NAP1L1: variants seen among roughly 807,000 people sequenced by gnomAD.
The protein encoded by NAP1L1 is nucleosome assembly protein 1 like 1.
In NAP1L1, 9 loss-of-function variants were observed where a neutral mutation model predicts 58.9. That is an observed-to-expected ratio of 0.15 (90% CI 0.09 to 0.27). The LOEUF is 0.27. Among genes scored for constraint, NAP1L1 ranks in the 10% least tolerant of loss-of-function variants. The pLI is 1.00. For missense variants in NAP1L1, 302 were observed against 458.8 expected, an observed-to-expected ratio of 0.66 and a Z score of 3.12; for synonymous variants, 130 against 138.3, an observed-to-expected ratio of 0.94 and a Z score of 0.42.
At chr12:76,060,639 A>G (rs898612337) in intron 4 of NAP1L1, among the ~76,000 whole-genome samples, 1 of 152,200 alleles carries the variant, frequency 6.6e-6, no homozygotes, top group African/African-American at 2.4e-5. Context: ...CACCCATACA[A>G]GTTATTAGGA....
chr12:76,037,866 AAC>A lies in NAP1L1; in HGVS notation c.*10561_*10562del, dbSNP rs1871086887. On this transcript the variant is annotated 3_prime_UTR_variant, in exon 15 of 15. Coordinates refer to ENST00000618691, the MANE Select transcript of NAP1L1 (RefSeq NM_004537.7). The stretch of plus-strand genomic sequence containing the variant: ...GATGAGTGTTTTCGCCATTGTACCT[AAC>A]GGAGAGCTGATTGACAGCACTTAAA... 1 of 152,288 alleles carries A rather than the reference AAC, an allele frequency of 6.6e-6. No individual in the cohort carries two copies. Among genetic ancestry groups the A allele is most frequent in the South Asian group, 2.1e-4 (1 of 4,816 alleles). 9.4% of individuals were successfully genotyped at this position (152,288 alleles called of 1,614,324 possible).
chr12:76,078,411 A>C (rs1272540075), intron 1 of NAP1L1, among the ~76,000 whole-genome samples: 1 of 152,186 alleles, frequency 6.6e-6, no homozygotes, highest in African/African-American at 2.4e-5. Context: ...AATTAAATGA[A>C]AGCTTCCTTC....
chr12:76,049,167 A>T, intron 14 of NAP1L1, 33 bp downstream of exon 14: 1 of 1,581,076 alleles, frequency 6.3e-7, no homozygotes, highest in Non-Finnish European at 8.7e-7. Flanking sequence ...AGCTATCTTA[A>T]ATTTAATAGA....
In NAP1L1 at chr12:76,048,272, TAG is replaced by T; in HGVS notation, c.*155_*156del. ...CAGAAAAACTAGTTAAAATGCTAGGTAGAACAAATTGGTCTTTAAAATATCAG... is the reference window on the plus strand; with the variant it reads ...CAGAAAAACTAGTTAAAATGCTAGGTAACAAATTGGTCTTTAAAATATCAG... On this transcript the variant is annotated 3_prime_UTR_variant, in exon 15 of 15. Coordinates refer to ENST00000618691, the MANE Select transcript of NAP1L1 (RefSeq NM_004537.7). The T allele has an allele frequency of 1.4e-6, 1 of 706,068 alleles. No homozygotes were observed. The highest frequency in any genetic ancestry group is 2.8e-5 in the East Asian group (1 of 36,182). The allele number at this position is 706,068 out of a possible 1,614,324, so 43.7% of individuals were successfully genotyped here.
intron 4 of NAP1L1, among the ~76,000 whole-genome samples, chr12:76,064,634 A>G (rs1194855391): frequency 6.6e-6 from 1 of 152,196 alleles, no homozygotes; most frequent in African/African-American, 2.4e-5. Flanking sequence ...AATAAGATCA[A>G]GACAACCAGC....
At chr12:76,079,016 T>C (rs1012080704) in intron 1 of NAP1L1, among the ~76,000 whole-genome samples, 2 of 150,858 alleles carry the variant, frequency 1.3e-5, no homozygotes, top group East Asian at 3.9e-4. Flanking sequence ...CACACACATA[T>C]ATTTATCCAG....
At chr12:76,052,514 T>A (rs1312846635) in intron 11 of NAP1L1, among the ~76,000 whole-genome samples, 3 of 152,226 alleles carry the variant, frequency 2.0e-5, no homozygotes, top group African/African-American at 7.2e-5. Context: ...TAATTCCATA[T>A]ATGTACAAAC....
intron 1 of NAP1L1, among the ~76,000 whole-genome samples, chr12:76,080,696 G>C (rs1009365080): frequency 6.6e-6 from 1 of 152,192 alleles, no homozygotes; most frequent in Non-Finnish European, 1.5e-5. Flanking sequence ...CTAGAGCACA[G>C]TGGGATACAA....
In NAP1L1 at chr12:76,046,170, T is replaced by A. The variant is rs1317627874; in HGVS notation, c.*2259A>T. 1.3e-5 allele frequency: 2 copies of A among 151,894 alleles called. No individual in the cohort carries two copies. The highest frequency in any genetic ancestry group is 4.8e-5 in the African/African-American group (2 of 41,386). The allele number at this position is 151,894 out of a possible 1,614,324, so 9.4% of individuals were successfully genotyped here. ...AAAAAAACACCCAAAATATCACCAG[T>A]ACATTTTATAAAATTAAATCCAAAT... On this transcript the variant is annotated 3_prime_UTR_variant, in exon 15 of 15. Coordinates refer to ENST00000618691, the MANE Select transcript of NAP1L1 (RefSeq NM_004537.7).
chr12:76,062,967 C>CA (rs755684302), intron 4 of NAP1L1, among the ~76,000 whole-genome samples: 43 of 152,056 alleles, frequency 2.8e-4, no homozygotes, highest in Non-Finnish European at 3.8e-4. Flanking sequence ...TTAAAAGAAA[C>CA]ACTGAAATAA....
intron 1 of NAP1L1, among the ~76,000 whole-genome samples, chr12:76,076,341 T>C (rs1348105124): frequency 6.6e-6 from 1 of 152,064 alleles, no homozygotes; most frequent in Non-Finnish European, 1.5e-5. Flanking sequence ...CTGACAAAAT[T>C]CATGATTACA....
chr12:76,080,268 CAG>C lies in NAP1L1; in HGVS notation c.-21+4297_-21+4298del, dbSNP rs376385286. On this transcript the variant is annotated intron_variant, in intron 1 of 14. Coordinates refer to ENST00000618691, the MANE Select transcript of NAP1L1 (RefSeq NM_004537.7). ...GATGCTGGTATAAACAAACCTACTG[CAG>C]AGTCATATAAAAGTATGGCACTTAC... 1.1e-4 allele frequency among the ~76,000 whole-genome samples: 16 copies of C among 152,278 alleles called. No homozygotes were observed. The South Asian group carries it at 2.5e-3, about 24-fold the overall frequency.
At chr12:76,057,815 A>C (rs1347459334) in intron 6 of NAP1L1, 1 of 1,546,580 alleles carries the variant, frequency 6.5e-7, no homozygotes, top group East Asian at 2.4e-5. Context: ...GAAGAGGAGA[A>C]GAAAAAACAG....
In NAP1L1 at chr12:76,050,802, C is replaced by T. The variant is rs188813126; in HGVS notation, c.937-149G>A. The T allele has an allele frequency of 2.5e-4, 192 of 778,172 alleles. No individual in the cohort carries two copies. The African/African-American group carries it at 3.2e-3, about 13-fold the overall frequency. 48.2% of individuals were successfully genotyped at this position (778,172 alleles called of 1,614,324 possible). On this transcript the variant is annotated intron_variant, in intron 11 of 14. Coordinates refer to ENST00000618691, the MANE Select transcript of NAP1L1 (RefSeq NM_004537.7). ...GCCAAAGTAGGAGGATCACTTGAGC[C>T]CAGAAGTTCAAGAGCAACCTAAGCA...
intron 11 of NAP1L1, among the ~76,000 whole-genome samples, chr12:76,051,842 C>T (rs915179351): frequency 2.0e-5 from 3 of 152,036 alleles, no homozygotes; most frequent in Non-Finnish European, 2.9e-5. Context: ...TGGTGAAACC[C>T]CGTCTCTACT....
At chr12:76,072,545 AC>A (rs1472223087) in intron 2 of NAP1L1, among the ~76,000 whole-genome samples, 3 of 152,218 alleles carry the variant, frequency 2.0e-5, no homozygotes, top group African/African-American at 7.2e-5. Context: ...ATATCCCTGA[AC>A]TAAAAGCCAC....
At position 76,054,178 on chromosome 12, in the gene NAP1L1, T is replaced by TG. The variant is rs528511088; in HGVS notation, c.631-270dup. On this transcript the variant is annotated intron_variant, in intron 8 of 14. Coordinates refer to ENST00000618691, the MANE Select transcript of NAP1L1 (RefSeq NM_004537.7). ...CCAATTATCTGGGATTATAGGTGTGTGCCACCACACCCAGTTAATTTTTGT... is the reference window on the plus strand; with the variant it reads ...CCAATTATCTGGGATTATAGGTGTGTGGCCACCACACCCAGTTAATTTTTGT... Among the ~76,000 whole-genome samples, 18 of 152,268 alleles carry TG rather than the reference T, an allele frequency of 1.2e-4. No individual in the cohort carries two copies. In the South Asian group the frequency reaches 3.7e-3, roughly 32 times the overall value.
intron 1 of NAP1L1, among the ~76,000 whole-genome samples, chr12:76,075,820 G>A (rs566332624): frequency 2.6e-5 from 4 of 151,942 alleles, no homozygotes; most frequent in Admixed American, 6.6e-5. Flanking sequence ...TAGTGTTCCC[G>A]TATCTTTTCT....
At chr12:76,073,352 C>T (rs1041698724) in intron 2 of NAP1L1, among the ~76,000 whole-genome samples, 7 of 152,214 alleles carry the variant, frequency 4.6e-5, no homozygotes, top group South Asian at 4.2e-4. Flanking sequence ...TAAAATTACA[C>T]GCAACAAACA....
Sources: gnomAD v4.1 joint callset for allele counts (sites outside exome capture counted in the v4.1 genomes callset) on GRCh38, gnomAD v4.1.1 for gene constraint, MANE v1.5 for transcripts, NCBI Gene and HGNC (gene_info 2026-07-23, HGNC 2026-07-21) for gene names.